Variants in MCTP1 observed in about 807,000 individuals in gnomAD.
The protein encoded by MCTP1 is multiple C2 and transmembrane domain-containing protein 1.
Under a neutral mutation model 120.6 loss-of-function variants are expected in MCTP1, and 69 were observed. That is an observed-to-expected ratio of 0.57 (90% CI 0.47 to 0.70). The LOEUF is 0.70. MCTP1 is among the 30% of genes least tolerant of loss of function. The pLI, the probability that MCTP1 is intolerant of heterozygous loss-of-function variation, is 0.00. For synonymous variants in MCTP1, 529 were observed against 493.1 expected (o/e 1.07, Z -0.96); for missense variants, 1,203 against 1,248.8 (o/e 0.96, Z 0.55).
chr5:95,113,869 G>A (rs759565942), intron 1 of MCTP1, among the ~76,000 whole-genome samples: 4 of 152,138 alleles, frequency 2.6e-5, no homozygotes, highest in African/African-American at 9.7e-5. Context: ...TCATGACTCC[G>A]AAAGAGACTT....
chr5:95,239,870 C>T (rs1419779481), intron 1 of MCTP1, among the ~76,000 whole-genome samples: 3 of 152,062 alleles, frequency 2.0e-5, no homozygotes, highest in Non-Finnish European at 4.4e-5. Flanking sequence ...TTCTTCTTCA[C>T]ATTTTTAATT....
intron 1 of MCTP1, among the ~76,000 whole-genome samples, chr5:95,274,452 C>A (rs561039455): frequency 6.6e-6 from 1 of 152,266 alleles, no homozygotes; most frequent in South Asian, 2.1e-4. Flanking sequence ...GTGGGACCCA[C>A]CCCAACCCAT....
intron 17 of MCTP1, among the ~76,000 whole-genome samples, chr5:94,847,233 C>G (rs1273855691): frequency 6.6e-6 from 1 of 152,152 alleles, no homozygotes; most frequent in African/African-American, 2.4e-5. Flanking sequence ...GTTCTAAGAA[C>G]TTATTCAGAG....
intron 17 of MCTP1, among the ~76,000 whole-genome samples, chr5:94,853,398 G>A (rs568148720): frequency 4.4e-4 from 67 of 152,038 alleles, no homozygotes; most frequent in Non-Finnish European, 7.7e-4. Flanking sequence ...CTTTTCATGT[G>A]CTATTCTGAT....
intron 21 of MCTP1, chr5:94,709,157 C>T (rs967500247): frequency 5.9e-5 from 9 of 152,008 alleles, no homozygotes; most frequent in African/African-American, 2.2e-4. Context: ...AACACCTTTA[C>T]ATGAAATCAA....
chr5:95,200,298 A>G (rs1231039728), intron 1 of MCTP1, among the ~76,000 whole-genome samples: 1 of 152,212 alleles, frequency 6.6e-6, no homozygotes, highest in Non-Finnish European at 1.5e-5. Context: ...AAATTCCTCA[A>G]AAAATTAAAA....
chr5:95,015,978 C>T (rs752671281), intron 2 of MCTP1, among the ~76,000 whole-genome samples: 4 of 152,010 alleles, frequency 2.6e-5, no homozygotes, highest in African/African-American at 7.2e-5. Context: ...AAGTTGTATA[C>T]GCTGTAAATA....
At chr5:95,232,599 T>C (rs1194165305) in intron 1 of MCTP1, among the ~76,000 whole-genome samples, 1 of 151,852 alleles carries the variant, frequency 6.6e-6, no homozygotes, top group Non-Finnish European at 1.5e-5. Context: ...GCTGGGACTA[T>C]AGGCGCTTGC....
intron 10 of MCTP1, 31 bp from the exon 11 acceptor site, chr5:94,894,866 GCTT>G: frequency 1.7e-6 from 2 of 1,162,844 alleles, no homozygotes; most frequent in Non-Finnish European, 2.2e-6. Flanking sequence ...TCAGCAAGTG[GCTT>G]TTTTTTTTTT....
At chr5:94,993,253 A>G (rs1289655077) in intron 2 of MCTP1, among the ~76,000 whole-genome samples, 1 of 152,204 alleles carries the variant, frequency 6.6e-6, no homozygotes, top group East Asian at 1.9e-4. Flanking sequence ...CTACACTTTA[A>G]AAATGTTTAG....
At chr5:94,931,779 G>A (rs941441363) in intron 6 of MCTP1, 174 bp downstream of exon 6, 24 of 620,732 alleles carry the variant, frequency 3.9e-5, no homozygotes, top group South Asian at 3.0e-4. Context: ...GCTATTGATC[G>A]GTGTGATTTC....
intron 1 of MCTP1, among the ~76,000 whole-genome samples, chr5:95,125,493 A>G (rs1475062502): frequency 6.6e-6 from 1 of 152,196 alleles, no homozygotes; most frequent in Non-Finnish European, 1.5e-5. Flanking sequence ...CTTGTTGTTG[A>G]GACATCAGCT....
chr5:94,851,701 T>A (rs942297089), intron 17 of MCTP1, among the ~76,000 whole-genome samples: 1 of 151,988 alleles, frequency 6.6e-6, no homozygotes, highest in Non-Finnish European at 1.5e-5. Context: ...AGGTCACACA[T>A]AACAAAATCG....
At chr5:94,728,333 G>A (rs138124244) in intron 19 of MCTP1, among the ~76,000 whole-genome samples, 39 of 152,108 alleles carry the variant, frequency 2.6e-4, no homozygotes, top group Admixed American at 8.5e-4. Context: ...AAGCAATGTC[G>A]AAGTCATGTT....
In MCTP1 at chr5:94,953,206, A is replaced by G. The variant is rs1821075294; in HGVS notation, c.981+13T>C. On this transcript the variant is annotated intron_variant, in intron 3 of 22. Coordinates refer to ENST00000515393, the MANE Select transcript of MCTP1 (RefSeq NM_024717.7). ...ATCAGTTTCTATCAGGAAAAAACAA[A>G]TAAATGGCTCACCTTTATATACAAT... is the stretch of plus-strand genomic sequence containing the variant. 2 of 1,582,202 alleles carry G rather than the reference A, an allele frequency of 1.3e-6. No homozygotes were observed. The highest frequency in any genetic ancestry group is 1.7e-6 in the Non-Finnish European group (2 of 1,167,730).
intron 2 of MCTP1, among the ~76,000 whole-genome samples, chr5:95,012,047 C>T (rs1045492651): frequency 1.3e-5 from 2 of 152,062 alleles, no homozygotes; most frequent in African/African-American, 4.8e-5. Flanking sequence ...CAATACGTGG[C>T]CAAATGTATT....
At chr5:95,012,194 G>A (rs1836134572) in intron 2 of MCTP1, among the ~76,000 whole-genome samples, 2 of 151,908 alleles carry the variant, frequency 1.3e-5, no homozygotes, top group Non-Finnish European at 2.9e-5. Context: ...AAAATCATTA[G>A]ATCATACTGA....
chr5:95,256,076 G>A (rs920107827), intron 1 of MCTP1, among the ~76,000 whole-genome samples: 8 of 152,108 alleles, frequency 5.3e-5, no homozygotes, highest in Non-Finnish European at 8.8e-5. Context: ...GAATTTAAAC[G>A]GGGAGAACCC....
At chr5:94,773,271 T>C (rs1774506115) in intron 19 of MCTP1, among the ~76,000 whole-genome samples, 1 of 152,180 alleles carries the variant, frequency 6.6e-6, no homozygotes, top group African/African-American at 2.4e-5. Context: ...TATACCTCAG[T>C]TTACACCCCT....
Sources: gnomAD v4.1 joint callset for allele counts (sites outside exome capture counted in the v4.1 genomes callset) on GRCh38, gnomAD v4.1.1 for gene constraint, MANE v1.5 for transcripts, NCBI Gene and HGNC (gene_info 2026-07-23, HGNC 2026-07-21) for gene names.